CERS6: variants seen among roughly 807,000 people sequenced by gnomAD.
CERS6 encodes LAG1 homolog, ceramide synthase 6.
In CERS6, 26 loss-of-function variants were observed where a neutral mutation model predicts 56.8. The ratio of observed to expected loss-of-function variants is 0.46; its 90% confidence interval spans 0.34 to 0.63. CERS6 has a LOEUF of 0.63. Among genes scored for constraint, CERS6 ranks in the 30% least tolerant of loss-of-function variants. CERS6 has a pLI of 0.01. For synonymous variants in CERS6, 164 were observed against 173.3 expected (o/e 0.95, Z 0.42); for missense variants, 415 against 467.5 (o/e 0.89, Z 1.04).
chr2:168,502,371 G>T (rs986874315), intron 1 of CERS6, among the ~76,000 whole-genome samples: 1 of 152,182 alleles, frequency 6.6e-6, no homozygotes. Context: ...ATAAGGAAGA[G>T]AACAAGGGAG....
intron 8 of CERS6, among the ~76,000 whole-genome samples, chr2:168,762,594 T>C (rs866942967): frequency 6.6e-6 from 1 of 152,366 alleles, no homozygotes; most frequent in Middle Eastern, 3.4e-3. Context: ...ATGTATATAA[T>C]ATATTAATAG....
intron 1 of CERS6, among the ~76,000 whole-genome samples, chr2:168,462,742 GT>G (rs1296948875): frequency 6.6e-6 from 1 of 151,938 alleles, no homozygotes; most frequent in Non-Finnish European, 1.5e-5. Context: ...GTCTTGCTTT[GT>G]TGTCCAGGCT....
intron 3 of CERS6, among the ~76,000 whole-genome samples, chr2:168,563,363 T>C (rs2105383304): frequency 6.6e-6 from 1 of 152,360 alleles, no homozygotes; most frequent in Non-Finnish European, 1.5e-5. Flanking sequence ...GCTAGTGGTA[T>C]GGCAATGTGG....
chr2:168,546,056 G>A (rs893354168), intron 1 of CERS6, among the ~76,000 whole-genome samples: 6 of 152,160 alleles, frequency 3.9e-5, no homozygotes, highest in East Asian at 1.9e-4. Flanking sequence ...CTTATGATGA[G>A]GGGCAAATAA....
intron 8 of CERS6, among the ~76,000 whole-genome samples, chr2:168,726,318 C>T (rs548606176): frequency 2.0e-5 from 3 of 152,238 alleles, no homozygotes; most frequent in Admixed American, 6.5e-5. Flanking sequence ...TTCCATTTGT[C>T]CTTTCTACAA....
chr2:168,681,701 AG>A (rs768228886), intron 4 of CERS6, among the ~76,000 whole-genome samples: 6 of 152,118 alleles, frequency 3.9e-5, no homozygotes, highest in Non-Finnish European at 5.9e-5. Context: ...TGTTAGTTAT[AG>A]GTGCCTGACA....
chr2:168,548,295 C>T (rs1205975895), intron 2 of CERS6, among the ~76,000 whole-genome samples: 7 of 152,000 alleles, frequency 4.6e-5, no homozygotes, highest in Non-Finnish European at 8.8e-5. Context: ...AGCTGAAGCC[C>T]AAACTAGGAG....
At chr2:168,636,392 A>G (rs1195501022) in intron 4 of CERS6, among the ~76,000 whole-genome samples, 2 of 152,352 alleles carry the variant, frequency 1.3e-5, no homozygotes, top group South Asian at 4.1e-4. Context: ...ACTAAAAGTC[A>G]CATCAGTATA....
chr2:168,724,265 T>G lies in CERS6; in HGVS notation c.845+6287T>G, dbSNP rs1683275421. Among the ~76,000 whole-genome samples the G allele has an allele frequency of 2.6e-5, 4 of 152,090 alleles. No homozygotes were observed. In the South Asian group the frequency reaches 8.3e-4, roughly 32 times the overall value. On this transcript the variant is annotated intron_variant, in intron 8 of 9. Coordinates refer to ENST00000305747, the MANE Select transcript of CERS6 (RefSeq NM_203463.3). ...TTCATTCCTCCCGGTGGGCTCGTGG[T>G]CTCGCTGGCTCAGGAGTGAAGCTGC...
chr2:168,745,327 C>G (rs1454302703), intron 8 of CERS6, among the ~76,000 whole-genome samples: 1 of 151,928 alleles, frequency 6.6e-6, no homozygotes, highest in Non-Finnish European at 1.5e-5. Context: ...CTGCAAGGTC[C>G]GCCTCCTGGG....
chr2:168,723,945 A>G (rs1683263749), intron 8 of CERS6, among the ~76,000 whole-genome samples: 2 of 152,234 alleles, frequency 1.3e-5, no homozygotes, highest in Non-Finnish European at 2.9e-5. Context: ...TACCAGTTTT[A>G]TCAAATAATC....
chr2:168,700,591 TTTGTCCTAGACTGGGGA>T (rs1686782827), intron 6 of CERS6, among the ~76,000 whole-genome samples: 14 of 152,322 alleles, frequency 9.2e-5, no homozygotes, highest in Admixed American at 8.5e-4. Flanking sequence ...TTTTTGTCAT[TTTGTCCTAGACTGGGGA>T]AAACATTATG....
chr2:168,739,426 G>GT (rs1226696649), intron 8 of CERS6, among the ~76,000 whole-genome samples: 2 of 152,022 alleles, frequency 1.3e-5, no homozygotes, highest in Non-Finnish European at 2.9e-5. Context: ...TGGTCATGTG[G>GT]TAAAAATTGA....
At chr2:168,498,083 A>G (rs1309247474) in intron 1 of CERS6, among the ~76,000 whole-genome samples, 2 of 152,156 alleles carry the variant, frequency 1.3e-5, no homozygotes, top group East Asian at 1.9e-4. Flanking sequence ...AAGAACCACA[A>G]TGTAAAACGC....
intron 1 of CERS6, among the ~76,000 whole-genome samples, chr2:168,495,300 C>G (rs564085778): frequency 6.6e-6 from 1 of 152,258 alleles, no homozygotes; most frequent in South Asian, 2.1e-4. Flanking sequence ...CTCCGCTGAA[C>G]CTGTGCAACA....
chr2:168,499,598 C>T (rs1464979774), intron 1 of CERS6, among the ~76,000 whole-genome samples: 2 of 152,134 alleles, frequency 1.3e-5, no homozygotes, highest in Non-Finnish European at 2.9e-5. Flanking sequence ...TTCTACCTCA[C>T]CTGGTGTTGA....
chr2:168,459,962 A>G (rs558059980), intron 1 of CERS6, among the ~76,000 whole-genome samples: 1 of 152,280 alleles, frequency 6.6e-6, no homozygotes, highest in South Asian at 2.1e-4. Context: ...GATTTAGGAG[A>G]GATGCAGGAA....
At chr2:168,768,837 C>T (rs1263410171) in intron 9 of CERS6, among the ~76,000 whole-genome samples, 3 of 140,346 alleles carry the variant, frequency 2.1e-5, no homozygotes, top group Non-Finnish European at 4.5e-5. Flanking sequence ...ACCCAGGAGG[C>T]GGAGGTTGCA....
Position 168,771,800 on chromosome 2 carries a change from T to G in CERS6, c.*2138T>G, listed in dbSNP as rs1490971537. 1 of 152,168 alleles carries G rather than the reference T, an allele frequency of 6.6e-6. No homozygotes were observed. The highest frequency in any genetic ancestry group is 1.5e-5 in the Non-Finnish European group (1 of 68,036). 9.4% of individuals were successfully genotyped at this position (152,168 alleles called of 1,614,324 possible). ...GGAGGTCATCTTGTAAATTAAAGGT[T>G]TAGAAGAATTGCATAAAACGTAGTA... On this transcript the variant is annotated 3_prime_UTR_variant, in exon 10 of 10. Transcript: ENST00000305747.
Sources: gnomAD v4.1 joint callset for allele counts (sites outside exome capture counted in the v4.1 genomes callset) on GRCh38, gnomAD v4.1.1 for gene constraint, MANE v1.5 for transcripts, NCBI Gene and HGNC (gene_info 2026-07-23, HGNC 2026-07-21) for gene names.